Variants in SIK2 observed in about 807,000 individuals in gnomAD.
SIK2 encodes the protein salt inducible kinase 2, also known as serine/threonine-protein kinase SIK2.
Under a neutral mutation model 103.2 loss-of-function variants are expected in SIK2, and 29 were observed. That is an observed-to-expected ratio of 0.28 (90% CI 0.21 to 0.38). The LOEUF is 0.38. Among genes scored for constraint, SIK2 ranks in the 10% least tolerant of loss-of-function variants. The pLI is 1.00. For missense variants in SIK2, 879 were observed against 1,171.0 expected (o/e 0.75, Z 3.64); for synonymous variants, 412 against 446.1 (o/e 0.92, Z 0.96).
At chr11:111,642,280 C>T (rs1415909778) in intron 3 of SIK2, among the ~76,000 whole-genome samples, 1 of 152,178 alleles carries the variant, frequency 6.6e-6, no homozygotes, top group Non-Finnish European at 1.5e-5. Context: ...ACTGCCCTCA[C>T]ATCAGAGGCC....
intron 4 of SIK2, among the ~76,000 whole-genome samples, chr11:111,695,083 A>G (rs879504708): frequency 2.6e-5 from 4 of 152,164 alleles, no homozygotes; most frequent in Admixed American, 6.6e-5. Flanking sequence ...AGTTTGTGCA[A>G]TGGGTCAGCT....
chr11:111,660,872 G>C (rs1574556), intron 3 of SIK2, among the ~76,000 whole-genome samples: 73,923 of 116,526 alleles, frequency 0.63, 20,782 homozygotes, highest in East Asian at 0.88. Context: ...TTTAGTTCTT[G>C]TTTTGTTTAA....
intron 3 of SIK2, among the ~76,000 whole-genome samples, chr11:111,627,633 A>G (rs1204976836): frequency 6.6e-6 from 1 of 152,202 alleles, no homozygotes; most frequent in Non-Finnish European, 1.5e-5. Context: ...GGAGACTTAG[A>G]TGGAAAAAAA....
At position 111,730,401 on chromosome 11, in the gene SIK2, G is replaced by C. The variant is rs1189169123; in HGVS notation, c.*6272G>C. 6.6e-6 allele frequency: 1 copy of C among 152,204 alleles called. No homozygotes were observed. Among genetic ancestry groups the C allele is most frequent in the Non-Finnish European group, 1.5e-5 (1 of 68,046 alleles). The allele number at this position is 152,204 out of a possible 1,614,324, so 9.4% of individuals were successfully genotyped here. ...AAAATCTCTGAAGGGGAAAGAAGTGGAGAGAAAGGTTTGCTTCACTTCGGG... is the reference window on the plus strand; with the variant it reads ...AAAATCTCTGAAGGGGAAAGAAGTGCAGAGAAAGGTTTGCTTCACTTCGGG... On this transcript the variant is annotated 3_prime_UTR_variant, in exon 15 of 15. Coordinates refer to ENST00000304987, the MANE Select transcript of SIK2 (RefSeq NM_015191.3).
intron 3 of SIK2, among the ~76,000 whole-genome samples, chr11:111,664,902 T>C (rs1233857684): frequency 6.6e-6 from 1 of 152,152 alleles, no homozygotes; most frequent in Admixed American, 6.5e-5. Context: ...TTGGGGACTT[T>C]AGAGCACTTT....
At position 111,724,252 on chromosome 11, in the gene SIK2, C is replaced by T; in HGVS notation, c.*123C>T. Reference sequence around the variant, plus strand: ...TCCCTAACGGGGAGAAATCGAGCCACCCAACTGGAATCAGAGGGTCTGGCT... The same window carrying T: ...TCCCTAACGGGGAGAAATCGAGCCATCCAACTGGAATCAGAGGGTCTGGCT... On this transcript the variant is annotated 3_prime_UTR_variant, in exon 15 of 15. Transcript: ENST00000304987. 4.4e-6 allele frequency: 6 copies of T among 1,359,226 alleles called. No homozygotes were observed. Among genetic ancestry groups the T allele is most frequent in the Non-Finnish European group, 5.9e-6 (6 of 1,023,522 alleles). The allele number at this position is 1,359,226 out of a possible 1,614,324, so 84.2% of individuals were successfully genotyped here.
At chr11:111,713,095 G>A (rs925813793) in intron 9 of SIK2, among the ~76,000 whole-genome samples, 52 of 152,160 alleles carry the variant, frequency 3.4e-4, no homozygotes, top group Admixed American at 3.4e-3. Context: ...AGCCCAGGGG[G>A]CCGAGGTGGC....
At chr11:111,664,047 G>A (rs1405338741) in intron 3 of SIK2, among the ~76,000 whole-genome samples, 1 of 152,190 alleles carries the variant, frequency 6.6e-6, no homozygotes, top group African/African-American at 2.4e-5. Context: ...CCCTGGGCCA[G>A]GGCCAAATAG....
At chr11:111,680,747 T>C (rs935430346) in intron 3 of SIK2, among the ~76,000 whole-genome samples, 3 of 152,198 alleles carry the variant, frequency 2.0e-5, no homozygotes, top group Non-Finnish European at 4.4e-5. Context: ...AGAGAAGGGA[T>C]ACCACTAAGC....
At chr11:111,675,980 T>G (rs935124334) in intron 3 of SIK2, among the ~76,000 whole-genome samples, 11 of 152,188 alleles carry the variant, frequency 7.2e-5, no homozygotes, top group South Asian at 2.1e-4. Context: ...TTACTCAGTG[T>G]TTAGCTCCTA....
rs772324558 is a variant in SIK2 at position 111,720,944 on chromosome 11, A to G, written c.1826A>G (p.Lys609Arg). 1 of 1,614,164 alleles carries G rather than the reference A, an allele frequency of 6.2e-7. No homozygotes were observed. Among genetic ancestry groups the G allele is most frequent in the South Asian group, 1.1e-5 (1 of 91,082 alleles). ...RQHLQNLART[K>R]GILELNKVQL... ...CATCTTCAGAATCTGGCTAGAACCA[A>G]AGGAATTCTAGAGTTGAACAAAGTG... Residue 609 changes from lysine to arginine, a missense_variant, in exon 12 of 15, where the codon AAA becomes AGA. Coordinates refer to ENST00000304987, the MANE Select transcript of SIK2 (RefSeq NM_015191.3).
At chr11:111,695,586 G>A (rs990797317) in intron 4 of SIK2, among the ~76,000 whole-genome samples, 4 of 152,100 alleles carry the variant, frequency 2.6e-5, no homozygotes, top group African/African-American at 9.6e-5. Context: ...CTGTTTTCTG[G>A]CTAGTCAAAA....
intron 3 of SIK2, among the ~76,000 whole-genome samples, chr11:111,684,159 A>G (rs541610407): frequency 6.6e-6 from 1 of 152,282 alleles, no homozygotes; most frequent in East Asian, 1.9e-4. Context: ...CAGATATACA[A>G]TGCCTTTGTT....
intron 3 of SIK2, among the ~76,000 whole-genome samples, chr11:111,660,340 G>T (rs1397918008): frequency 2.0e-5 from 3 of 152,028 alleles, no homozygotes; most frequent in African/African-American, 7.2e-5. Flanking sequence ...CATATGCACC[G>T]TGTATAAGCT....
At chr11:111,698,553 G>A (rs941199650) in intron 4 of SIK2, among the ~76,000 whole-genome samples, 3 of 152,150 alleles carry the variant, frequency 2.0e-5, no homozygotes, top group Non-Finnish European at 4.4e-5. Context: ...ACCAGCCTGG[G>A]AAACATGGCA....
intron 3 of SIK2, among the ~76,000 whole-genome samples, chr11:111,686,909 G>A (rs184025043): frequency 3.9e-4 from 59 of 152,316 alleles, no homozygotes; most frequent in African/African-American, 1.4e-3. Context: ...AGCACAGGGT[G>A]TGAATTATTT....
intron 3 of SIK2, among the ~76,000 whole-genome samples, chr11:111,651,810 C>T (rs1011584158): frequency 2.6e-5 from 4 of 152,244 alleles, no homozygotes; most frequent in Middle Eastern, 3.4e-3. Flanking sequence ...TTTGCTACAG[C>T]GTAAGTTGCT....
rs17113185 is a variant in SIK2, at chr11:111,684,683, G to A, written c.317-3318G>A. On this transcript the variant is annotated intron_variant, in intron 3 of 14. Transcript: ENST00000304987. ...CAGTGTAGAAGTGAGCCTCTGGTTC[G>A]CTCTTATGCAGAGAAGGCACATTGT... 1.4e-3 allele frequency among the ~76,000 whole-genome samples: 211 copies of A among 152,268 alleles called. 1 individual carries two copies. The highest frequency in any genetic ancestry group is 4.5e-3 in the African/African-American group (186 of 41,554).
At chr11:111,716,879 T>C (rs191784600) in intron 9 of SIK2, among the ~76,000 whole-genome samples, 11 of 152,082 alleles carry the variant, frequency 7.2e-5, no homozygotes, top group Non-Finnish European at 1.0e-4. Context: ...TTGCAATCTA[T>C]CCATCTGACA....
Sources: gnomAD v4.1 joint callset for allele counts (sites outside exome capture counted in the v4.1 genomes callset) on GRCh38, gnomAD v4.1.1 for gene constraint, MANE v1.5 for transcripts, NCBI Gene and HGNC (gene_info 2026-07-23, HGNC 2026-07-21) for gene names.